PCTP: variants seen among roughly 807,000 people sequenced by gnomAD.
PCTP encodes START domain-containing protein 2.
A neutral mutation model predicts 31.0 loss-of-function variants in PCTP; 27 were observed. That is an observed-to-expected ratio of 0.87 (90% CI 0.64 to 1.20). The LOEUF is 1.20. Among genes scored for constraint, PCTP ranks in the 50% most tolerant of loss-of-function variants. The pLI, the probability that PCTP is intolerant of heterozygous loss-of-function variation, is 0.00. For missense variants in PCTP, 287 were observed against 268.2 expected, an observed-to-expected ratio of 1.07 and a Z score of -0.49; for synonymous variants, 108 against 101.2, an observed-to-expected ratio of 1.07 and a Z score of -0.40.
chr17:55,848,501 G>T, the PCTP span, among the ~76,000 whole-genome samples: 2 of 152,170 alleles, frequency 1.3e-5, no homozygotes, highest in Admixed American at 1.3e-4. Context: ...GAGCAGATGG[G>T]ACAGATTACA....
At chr17:55,773,983 A>C (rs886469421) in intron 4 of PCTP, 88 bp downstream of exon 4, 1 of 1,411,240 alleles carries the variant, frequency 7.1e-7, no homozygotes, top group Non-Finnish European at 9.4e-7. Context: ...GAGTACATGA[A>C]GCGTATCCCT....
At position 55,773,812 on chromosome 17, in the gene PCTP, T is replaced by G; in HGVS notation, c.428T>G (p.Leu143Arg). 1 of 1,613,852 alleles carries G rather than the reference T, an allele frequency of 6.2e-7. No individual in the cohort carries two copies. The highest frequency in any genetic ancestry group is 8.5e-7 in the Non-Finnish European group (1 of 1,179,962). ...ILARSTSMPQLGERSGVIRVK... is the reference protein window; with the variant it reads ...ILARSTSMPQRGERSGVIRVK... The stretch of plus-strand genomic sequence containing the variant: ...GCCCGGAGCACCTCCATGCCTCAGC[T>G]TGGCGAGAGGTCTGGGGTGATCCGG... Residue 143 changes from leucine to arginine, a missense_variant, in exon 4 of 6, where the codon CTT (leucine) becomes CGT (arginine). Physicochemically the swap from Leu to Arg is moderately radical, Grantham distance 102. Coordinates refer to ENST00000268896, the MANE Select transcript of PCTP (RefSeq NM_021213.4).
chr17:55,780,719 C>T (rs188351976), downstream of PCTP, among the ~76,000 whole-genome samples: 85 of 152,296 alleles, frequency 5.6e-4, 1 homozygote, highest in East Asian at 4.1e-3. Flanking sequence ...TAGCTGAGTG[C>T]ACAGCCACCC....
At chr17:55,829,885 AG>A (rs1404973558) in intron 5 of PCTP, among the ~76,000 whole-genome samples, 1 of 152,204 alleles carries the variant, frequency 6.6e-6, no homozygotes, top group Non-Finnish European at 1.5e-5. Flanking sequence ...AAGGGCCATG[AG>A]TCATGGGGCA....
chr17:55,752,203 C>G (rs1008894082), intron 1 of PCTP, among the ~76,000 whole-genome samples: 1 of 152,140 alleles, frequency 6.6e-6, no homozygotes, highest in South Asian at 2.1e-4. Context: ...TAGGCACTTG[C>G]ATTTTTGTTT....
At chr17:55,764,513 A>G (rs1567712762) in intron 1 of PCTP, among the ~76,000 whole-genome samples, 2 of 152,170 alleles carry the variant, frequency 1.3e-5, no homozygotes, top group Non-Finnish European at 2.9e-5. Context: ...CAGATAGACT[A>G]GTTTGATATT....
intron 3 of PCTP, among the ~76,000 whole-genome samples, chr17:55,802,270 C>G (rs933942227): frequency 3.3e-5 from 5 of 152,172 alleles, no homozygotes; most frequent in Non-Finnish European, 7.3e-5. Context: ...GATTAACAGC[C>G]AAATCCTACC....
At chr17:55,823,596 C>A (rs1905302652), downstream of PCTP, among the ~76,000 whole-genome samples, 1 of 152,202 alleles carries the variant, frequency 6.6e-6, no homozygotes, top group South Asian at 2.1e-4. Context: ...AAACAGCAGT[C>A]TTGGGTTTTC....
chr17:55,754,196 C>T (rs1217294174), intron 1 of PCTP, among the ~76,000 whole-genome samples: 1 of 152,138 alleles, frequency 6.6e-6, no homozygotes, highest in Non-Finnish European at 1.5e-5. Context: ...GTCCCAGTCC[C>T]ACAAGATTAA....
intron 5 of PCTP, among the ~76,000 whole-genome samples, chr17:55,837,139 A>C (rs1306073537): frequency 6.6e-6 from 1 of 152,216 alleles, no homozygotes; most frequent in Non-Finnish European, 1.5e-5. Flanking sequence ...AATGAGTAGA[A>C]GGAAAGTGAG....
intron 1 of PCTP, among the ~76,000 whole-genome samples, chr17:55,757,520 A>G (rs1258019900): frequency 6.9e-6 from 1 of 144,400 alleles, no homozygotes; most frequent in Non-Finnish European, 1.5e-5. Context: ...GTATATATAT[A>G]CACACACATA....
At chr17:55,812,175 T>C (rs932480308) in intron 3 of PCTP, among the ~76,000 whole-genome samples, 40 of 152,130 alleles carry the variant, frequency 2.6e-4, no homozygotes, top group African/African-American at 8.2e-4. Context: ...CTAGTTCACT[T>C]TGAGGTGAAT....
chr17:55,764,131 A>T (rs1328503892), intron 1 of PCTP, among the ~76,000 whole-genome samples: 2 of 152,206 alleles, frequency 1.3e-5, no homozygotes, highest in East Asian at 3.8e-4. Flanking sequence ...TTGTAACTAC[A>T]TTCAGGAGAA....
downstream of PCTP, among the ~76,000 whole-genome samples, chr17:55,778,356 T>C (rs1911439387): frequency 6.6e-6 from 1 of 152,192 alleles, no homozygotes; most frequent in African/African-American, 2.4e-5. Context: ...TAGCACTTTG[T>C]TTTACTTATT....
At chr17:55,788,413 C>T (rs757740860) in intron 3 of PCTP, among the ~76,000 whole-genome samples, 17 of 152,146 alleles carry the variant, frequency 1.1e-4, no homozygotes, top group Non-Finnish European at 2.2e-4. Flanking sequence ...GCTTCTTTAG[C>T]CAAACCCCAT....
chr17:55,786,750 G>T (rs1911761200), intron 2 of PCTP, among the ~76,000 whole-genome samples: 1 of 152,130 alleles, frequency 6.6e-6, no homozygotes, highest in African/African-American at 2.4e-5. Context: ...GTCATCTTGT[G>T]CAGTTAAGAT....
chr17:55,763,932 T>A (rs1475649784), intron 1 of PCTP, among the ~76,000 whole-genome samples: 1 of 152,224 alleles, frequency 6.6e-6, no homozygotes, highest in Non-Finnish European at 1.5e-5. Context: ...TGCCGTGTTA[T>A]GGAGCATTTG....
intron 3 of PCTP, among the ~76,000 whole-genome samples, chr17:55,821,976 C>G (rs1008603711): frequency 3.3e-5 from 5 of 152,196 alleles, no homozygotes; most frequent in African/African-American, 1.2e-4. Flanking sequence ...CCTCAGTGAA[C>G]TGAATTAATT....
intron 3 of PCTP, among the ~76,000 whole-genome samples, chr17:55,799,272 A>G (rs1196851868): frequency 1.3e-5 from 2 of 152,118 alleles, no homozygotes; most frequent in Non-Finnish European, 2.9e-5. Context: ...CATAATTTAA[A>G]TGCAAAAAGG....
Sources: gnomAD v4.1 joint callset for allele counts (sites outside exome capture counted in the v4.1 genomes callset) on GRCh38, gnomAD v4.1.1 for gene constraint, MANE v1.5 for transcripts, NCBI Gene and HGNC (gene_info 2026-07-23, HGNC 2026-07-21) for gene names.